CCSER1: variants seen among roughly 807,000 people sequenced by gnomAD.
The protein encoded by CCSER1 is coiled-coil serine rich protein 1, also known as serine-rich coiled-coil domain-containing protein 1.
A neutral mutation model predicts 82.0 loss-of-function variants in CCSER1; 41 were observed. The observed-to-expected ratio is 0.50, with a 90% CI of 0.39 to 0.65. The LOEUF is 0.65. Among genes scored for constraint, CCSER1 ranks in the 30% least tolerant of loss-of-function variants. The probability of loss-of-function intolerance (pLI) is 0.00; values close to 1 mark genes in which losing one functional copy is unlikely to be tolerated. For missense variants in CCSER1, 1,119 were observed against 1,064.2 expected (o/e 1.05, Z -0.72); for synonymous variants, 414 against 383.9 (o/e 1.08, Z -0.92).
chr4:90,861,957 G>T (rs1765160219), intron 8 of CCSER1, among the ~76,000 whole-genome samples: 1 of 143,694 alleles, frequency 7.0e-6, no homozygotes, highest in Admixed American at 7.0e-5. Flanking sequence ...AGTGTTGATT[G>T]CTCAGTGATA....
rs1441938471 is a variant in CCSER1 at position 90,409,655 on chromosome 4, G to A, written c.1603+9526G>A. On this transcript the variant is annotated intron_variant, in intron 4 of 10. Transcript: ENST00000509176. ...GCACTAAACATGGAAAGGAACAACT[G>A]GTACCAGCCACTGCAAAAACATGCT... Among the ~76,000 whole-genome samples, 3 of 152,042 alleles carry A rather than the reference G, an allele frequency of 2.0e-5. No homozygotes were observed. In the East Asian group the frequency reaches 5.8e-4, roughly 29 times the overall value.
chr4:90,711,536 C>T (rs1241702354), intron 6 of CCSER1, among the ~76,000 whole-genome samples: 1 of 151,888 alleles, frequency 6.6e-6, no homozygotes, highest in Non-Finnish European at 1.5e-5. Flanking sequence ...AGTTTTTAAA[C>T]ATGAAGAGAT....
intron 10 of CCSER1, among the ~76,000 whole-genome samples, chr4:91,401,335 CATATA>C (rs1477197919): frequency 2.7e-5 from 4 of 147,866 alleles, no homozygotes; most frequent in Non-Finnish European, 3.0e-5. Context: ...ATATATATTA[CATATA>C]ATATACTACA....
At chr4:90,145,704 AG>A (rs1339435559) in intron 1 of CCSER1, among the ~76,000 whole-genome samples, 2 of 152,118 alleles carry the variant, frequency 1.3e-5, no homozygotes, top group African/African-American at 2.4e-5. Context: ...CTATCTGTGA[AG>A]TGTTTTGTAA....
At chr4:91,482,038 G>C (rs754387817) in intron 10 of CCSER1, among the ~76,000 whole-genome samples, 7 of 151,898 alleles carry the variant, frequency 4.6e-5, no homozygotes, top group Non-Finnish European at 7.4e-5. Flanking sequence ...CATCACTGGC[G>C]ATCAGAGAGA....
At chr4:90,485,227 C>T (rs549525717) in intron 5 of CCSER1, among the ~76,000 whole-genome samples, 4 of 152,276 alleles carry the variant, frequency 2.6e-5, no homozygotes, top group South Asian at 2.1e-4. Context: ...GTTGGAAGAG[C>T]GCAGTATTAG....
At chr4:90,933,168 TG>T in intron 9 of CCSER1, among the ~76,000 whole-genome samples, 3 of 118,592 alleles carry the variant, frequency 2.5e-5, no homozygotes, top group Middle Eastern at 4.1e-3. Context: ...TGTGTGTGTG[TG>T]TGTGTGTGTG....
At chr4:91,086,384 A>C (rs536963991) in intron 10 of CCSER1, among the ~76,000 whole-genome samples, 70 of 152,162 alleles carry the variant, frequency 4.6e-4, no homozygotes, top group African/African-American at 1.7e-3. Flanking sequence ...GGGATTCCTC[A>C]TTTTCCTGTC....
At chr4:91,255,186 T>TACC (rs1325496645) in intron 10 of CCSER1, among the ~76,000 whole-genome samples, 11 of 152,210 alleles carry the variant, frequency 7.2e-5, no homozygotes, top group African/African-American at 2.7e-4. Flanking sequence ...AAGGGCATAG[T>TACC]TTCTGGGACA....
intron 6 of CCSER1, among the ~76,000 whole-genome samples, chr4:90,671,152 T>G (rs1287926761): frequency 6.6e-6 from 1 of 152,074 alleles, no homozygotes; most frequent in Non-Finnish European, 1.5e-5. Flanking sequence ...TGCCTTGATG[T>G]TGATGGCTGC....
intron 10 of CCSER1, among the ~76,000 whole-genome samples, chr4:91,371,283 C>T (rs976397487): frequency 6.6e-6 from 1 of 151,964 alleles, no homozygotes; most frequent in African/African-American, 2.4e-5. Context: ...CTTACCGTGC[C>T]CCCAACCCCA....
chr4:91,479,231 C>T (rs1363026121), intron 10 of CCSER1, among the ~76,000 whole-genome samples: 3 of 149,856 alleles, frequency 2.0e-5, no homozygotes, highest in South Asian at 2.1e-4. Flanking sequence ...TGACAAAGAA[C>T]GTTTAGTTTA....
chr4:91,416,383 A>G (rs564323775), intron 10 of CCSER1, among the ~76,000 whole-genome samples: 1 of 152,296 alleles, frequency 6.6e-6, no homozygotes, highest in East Asian at 1.9e-4. Flanking sequence ...ACCAAAAAAG[A>G]GCCTGAATAG....
Position 90,764,336 on chromosome 4 carries a change from A to G in CCSER1, c.2010+40345A>G, listed in dbSNP as rs576311096. On this transcript the variant is annotated intron_variant, in intron 7 of 10. Coordinates refer to ENST00000509176, the MANE Select transcript of CCSER1 (RefSeq NM_001145065.2). ...AATTAGTTTTGACTGATAGAGTATAAGTAGAACTATAATCCATGAAGCCAT... is the reference window on the plus strand; with the variant it reads ...AATTAGTTTTGACTGATAGAGTATAGGTAGAACTATAATCCATGAAGCCAT... Among the ~76,000 whole-genome samples the G allele has an allele frequency of 2.6e-5, 4 of 152,328 alleles. No individual in the cohort carries two copies. In the South Asian group the frequency reaches 6.2e-4, roughly 24 times the overall value.
At chr4:91,479,876 A>C in intron 10 of CCSER1, among the ~76,000 whole-genome samples, 1 of 139,332 alleles carries the variant, frequency 7.2e-6, no homozygotes, top group South Asian at 2.5e-4. Context: ...ATATCTCCCA[A>C]TGCTATCCCT....
chr4:91,548,802 G>A (rs903357024), intron 10 of CCSER1, among the ~76,000 whole-genome samples: 4 of 151,500 alleles, frequency 2.6e-5, no homozygotes, highest in Non-Finnish European at 4.4e-5. Flanking sequence ...CTTCATTATT[G>A]ATTTTCTGAA....
intron 6 of CCSER1, among the ~76,000 whole-genome samples, chr4:90,711,720 G>GC (rs2149327721): frequency 7.1e-6 from 1 of 141,396 alleles, no homozygotes; most frequent in East Asian, 2.0e-4. Context: ...TGTCCTGCTG[G>GC]ATTTTTTTTT....
intron 3 of CCSER1, among the ~76,000 whole-genome samples, chr4:90,364,349 T>C (rs1298218729): frequency 1.3e-5 from 2 of 151,978 alleles, no homozygotes; most frequent in Non-Finnish European, 2.9e-5. Flanking sequence ...AAGTTCAGTG[T>C]CTTTAAATAG....
chr4:90,476,560 A>G (rs1380069394), intron 5 of CCSER1, among the ~76,000 whole-genome samples: 2 of 151,964 alleles, frequency 1.3e-5, no homozygotes, highest in Admixed American at 1.3e-4. Context: ...TTTTTTTATC[A>G]TCTCTATTCA....
Sources: gnomAD v4.1 joint callset for allele counts (sites outside exome capture counted in the v4.1 genomes callset) on GRCh38, gnomAD v4.1.1 for gene constraint, MANE v1.5 for transcripts, NCBI Gene and HGNC (gene_info 2026-07-23, HGNC 2026-07-21) for gene names.